Variants in SLC22A4 observed in about 807,000 individuals in gnomAD.
SLC22A4 encodes ET transporter.
SLC22A4 carries 39 observed loss-of-function variants against 56.6 expected under a neutral mutation model. That is an observed-to-expected ratio of 0.69 (90% CI 0.53 to 0.90). The LOEUF (loss-of-function observed/expected upper bound fraction) is 0.90. Among genes scored for constraint, SLC22A4 ranks in the 40% least tolerant of loss-of-function variants. The pLI is 0.00. For missense variants in SLC22A4, 594 were observed against 696.5 expected (o/e 0.85, Z 1.66); for synonymous variants, 241 against 281.4 (o/e 0.86, Z 1.44).
chr5:132,309,887 C>T (rs1750140381), intron 1 of SLC22A4, among the ~76,000 whole-genome samples: 1 of 152,226 alleles, frequency 6.6e-6, no homozygotes, highest in African/African-American at 2.4e-5. Flanking sequence ...AGGCAAAGTC[C>T]AGACAGAAAA....
chr5:132,307,562 C>T (rs957822508), intron 1 of SLC22A4, among the ~76,000 whole-genome samples: 1 of 152,178 alleles, frequency 6.6e-6, no homozygotes, highest in Non-Finnish European at 1.5e-5. Flanking sequence ...ATAAAATGCT[C>T]TACTAGTATG....
intron 8 of SLC22A4, 88 bp downstream of exon 8, chr5:132,336,088 T>G: frequency 7.5e-7 from 1 of 1,339,818 alleles, no homozygotes; most frequent in Non-Finnish European, 1.1e-6. Context: ...TCAAATAGCA[T>G]AGAATGTACT....
At chr5:132,311,378 CTT>C (rs1263211321) in intron 1 of SLC22A4, 1 of 152,274 alleles carries the variant, frequency 6.6e-6, no homozygotes, top group Non-Finnish European at 1.5e-5. Context: ...GCTTAATTGA[CTT>C]AAGTCAAACT....
In SLC22A4 at chr5:132,335,142, C is replaced by CA. The variant is rs556317575; in HGVS notation, c.1261+211dup. Among the ~76,000 whole-genome samples, 147 of 152,320 alleles carry CA rather than the reference C, an allele frequency of 9.7e-4. 1 individual carries two copies. The highest frequency in any genetic ancestry group is 2.9e-3 in the Admixed American group (44 of 15,298). On this transcript the variant is annotated intron_variant, in intron 7 of 9. Coordinates refer to ENST00000200652, the MANE Select transcript of SLC22A4 (RefSeq NM_003059.3). The stretch of plus-strand genomic sequence containing the variant: ...GAGACAGTCTCAGAGAAGCAGAAAG[C>CA]ACCAAAGAGGAAGAGTAACTCTCCC...
intron 9 of SLC22A4, among the ~76,000 whole-genome samples, chr5:132,341,090 T>C (rs978608134): frequency 6.6e-6 from 1 of 150,574 alleles, no homozygotes; most frequent in Non-Finnish European, 1.5e-5. Context: ...CACTCCAGCC[T>C]GGGCAACAAG....
intron 1 of SLC22A4, among the ~76,000 whole-genome samples, chr5:132,309,492 C>T (rs1259959602): frequency 6.6e-6 from 1 of 152,310 alleles, no homozygotes. Context: ...GGGAATGGGA[C>T]CGAAAGCCAT....
chr5:132,315,550 C>T (rs1448699289), intron 3 of SLC22A4, among the ~76,000 whole-genome samples: 1 of 152,196 alleles, frequency 6.6e-6, no homozygotes, highest in Non-Finnish European at 1.5e-5. Context: ...GCTGCCCTCC[C>T]CCGCCGGCTC....
intron 8 of SLC22A4, among the ~76,000 whole-genome samples, chr5:132,337,188 C>T (rs1480852116): frequency 2.6e-5 from 4 of 151,738 alleles, no homozygotes; most frequent in African/African-American, 9.7e-5. Context: ...CCAAATTGAA[C>T]TCTACATATT....
intron 1 of SLC22A4, among the ~76,000 whole-genome samples, chr5:132,310,123 A>C (rs1265534821): frequency 6.6e-6 from 1 of 152,160 alleles, no homozygotes; most frequent in Non-Finnish European, 1.5e-5. Flanking sequence ...CATATTTAAT[A>C]AGCTCATTTT....
Position 132,312,275 on chromosome 5 carries a change from G to C in SLC22A4, c.497+11G>C. The C allele has an allele frequency of 1.9e-6, 3 of 1,545,134 alleles. No individual in the cohort carries two copies. The highest frequency in any genetic ancestry group is 2.7e-6 in the Non-Finnish European group (3 of 1,117,092). On this transcript the variant is annotated intron_variant, in intron 2 of 9. Coordinates refer to ENST00000200652, the MANE Select transcript of SLC22A4 (RefSeq NM_003059.3). Reference sequence around the variant, plus strand: ...GCAGCTGTCAGACAGGTAAGCACATGGGAGGGGAGGAAGGTGGGATGGTGC... The same window carrying C: ...GCAGCTGTCAGACAGGTAAGCACATCGGAGGGGAGGAAGGTGGGATGGTGC...
rs150420045 is a variant in SLC22A4, at chr5:132,304,200, G to A, written c.394-7961G>A. ...AACTACCACTGCAAAGAGGCTTGAC[G>A]TCAACTGGATTAGACTGTGGGACAA... On this transcript the variant is annotated intron_variant, in intron 1 of 9. Transcript: ENST00000200652. Among the ~76,000 whole-genome samples the A allele has an allele frequency of 4.3e-3, 650 of 152,330 alleles. 5 individuals are homozygous for A. Among genetic ancestry groups the A allele is most frequent in the African/African-American group, 0.015 (614 of 41,570 alleles).
intron 4 of SLC22A4, 142 bp from the exon 5 acceptor site, chr5:132,327,135 C>A: frequency 1.6e-6 from 1 of 635,656 alleles, no homozygotes; most frequent in Admixed American, 3.1e-5. Context: ...TTCCTATGCT[C>A]CAATAGAAAT....
chr5:132,336,048 T>C (rs766745418), intron 8 of SLC22A4, 48 bp downstream of exon 8: 1 of 1,568,012 alleles, frequency 6.4e-7, no homozygotes. Context: ...TAGTTTTCAA[T>C]GTAAAAGTAA....
chr5:132,324,311 G>T, intron 4 of SLC22A4: 1 of 341,792 alleles, frequency 2.9e-6, no homozygotes, highest in Non-Finnish European at 5.9e-6. Context: ...TGGGATCTTT[G>T]CCTCGGGACC....
chr5:132,342,497 T>C (rs538269025), intron 9 of SLC22A4, among the ~76,000 whole-genome samples: 124 of 152,246 alleles, frequency 8.1e-4, no homozygotes, highest in Non-Finnish European at 1.6e-3. Context: ...ATAATGCAGT[T>C]CAATTTTGAC....
intron 1 of SLC22A4, among the ~76,000 whole-genome samples, chr5:132,300,164 TTTGG>T: frequency 6.6e-6 from 1 of 152,340 alleles, no homozygotes; most frequent in East Asian, 1.9e-4. Context: ...TTATGCACTT[TTTGG>T]TAATGATACC....
chr5:132,325,728 G>A (rs1048165798), intron 4 of SLC22A4, among the ~76,000 whole-genome samples: 1 of 152,154 alleles, frequency 6.6e-6, no homozygotes, highest in South Asian at 2.1e-4. Flanking sequence ...ATTGTAAATT[G>A]AGAATATTCT....
intron 1 of SLC22A4, among the ~76,000 whole-genome samples, chr5:132,305,757 G>T (rs1750013117): frequency 1.3e-5 from 2 of 152,162 alleles, no homozygotes; most frequent in South Asian, 4.1e-4. Flanking sequence ...TGAGAGAATT[G>T]TTTCTAGCAG....
At chr5:132,337,565 C>A (rs933438147) in intron 8 of SLC22A4, among the ~76,000 whole-genome samples, 1 of 105,982 alleles carries the variant, frequency 9.4e-6, no homozygotes, top group Admixed American at 1.1e-4. Flanking sequence ...GTTTGAGCCA[C>A]AGCACCTGGC....
Sources: gnomAD v4.1 joint callset for allele counts (sites outside exome capture counted in the v4.1 genomes callset) on GRCh38, gnomAD v4.1.1 for gene constraint, MANE v1.5 for transcripts, NCBI Gene and HGNC (gene_info 2026-07-23, HGNC 2026-07-21) for gene names.